Variants in SCN2A observed in about 807,000 individuals in gnomAD.
SCN2A encodes sodium voltage-gated channel alpha subunit 2.
SCN2A carries 20 observed loss-of-function variants against 188.7 expected under a neutral mutation model. That is an observed-to-expected ratio of 0.11 (90% CI 0.07 to 0.15). The LOEUF (loss-of-function observed/expected upper bound fraction) is 0.15, where lower values mean the gene tolerates loss of function less well. Ranked by LOEUF, SCN2A falls within the 10% of genes least tolerant of loss-of-function variation. The pLI, the probability that SCN2A is intolerant of heterozygous loss-of-function variation, is 1.00. For synonymous variants in SCN2A, 804 were observed against 833.1 expected, an observed-to-expected ratio of 0.97 and a Z score of 0.60; for missense variants, 1,278 against 2,445.0, an observed-to-expected ratio of 0.52 and a Z score of 10.07.
At position 165,386,887 on chromosome 2, in the gene SCN2A, T is replaced by A. The variant is rs1701902994; in HGVS notation, c.4693T>A (p.Trp1565Arg). 6.2e-7 allele frequency: 1 copy of A among 1,613,994 alleles called. No homozygotes were observed. The highest frequency in any genetic ancestry group is 8.5e-7 in the Non-Finnish European group (1 of 1,179,946). The change falls in exon 26 of 27, where the codon TGG becomes AGG. Residue 1565 changes from tryptophan (W) to arginine (R), a missense_variant. Trp to Arg is a moderately radical substitution (Grantham distance 101, BLOSUM62 -3). Around this residue, in one of 17 missense-constraint regions of SCN2A, gnomAD observed 97 missense variants for 266.1 expected, o/e 0.36. Transcript: ENST00000375437. ...TCAAGAAATGACAAACATTCTGTACTGGATTAATCTGGTGTTTATTGTTCT... is the reference window on the plus strand; with the variant it reads ...TCAAGAAATGACAAACATTCTGTACAGGATTAATCTGGTGTTTATTGTTCT... ...QSQEMTNILY[W>R]INLVFIVLFT...
chr2:165,340,289 A>G (rs1271984999), intron 14 of SCN2A, among the ~76,000 whole-genome samples: 3 of 149,914 alleles, frequency 2.0e-5, no homozygotes, highest in Non-Finnish European at 4.4e-5. Context: ...ATGAAATTTC[A>G]AACAATGGAG....
At chr2:165,245,749 G>T (rs1693816380) in intron 1 of SCN2A, among the ~76,000 whole-genome samples, 1 of 152,188 alleles carries the variant, frequency 6.6e-6, no homozygotes. Flanking sequence ...AATCAAGATG[G>T]TTCCAGGTAA....
At position 165,323,171 on chromosome 2, in the gene SCN2A, C is replaced by T. The variant is rs761161877; in HGVS notation, c.1687C>T (p.Arg563Cys). 3 of 1,614,098 alleles carry T rather than the reference C, an allele frequency of 1.9e-6. No homozygotes were observed. The highest frequency in any genetic ancestry group is 2.2e-5 in the South Asian group (2 of 91,056). ...SSPHQSLLSI[R>C]GSLFSPRRNS... is the part of the protein sequence containing the mutation. ...TTATTCATAGTCCTTACTGAGCATC[C>T]GTGGCTCCCTTTTCTCTCCAAGACG... Residue 563 changes from arginine (R) to cysteine (C), a missense_variant, in exon 12 of 27, where the codon CGT becomes TGT. This residue lies in a region of SCN2A where 315 missense variants were observed against 386.6 expected (regional missense o/e 0.81). Transcript: ENST00000375437.
chr2:165,325,757 G>GT (rs1401756028), intron 12 of SCN2A, among the ~76,000 whole-genome samples: 2 of 151,364 alleles, frequency 1.3e-5, no homozygotes, highest in African/African-American at 2.4e-5. Flanking sequence ...AATTTTACTT[G>GT]TTTTTTTACC....
intron 1 of SCN2A, among the ~76,000 whole-genome samples, chr2:165,246,205 T>C (rs1323467545): frequency 2.6e-5 from 4 of 152,222 alleles, no homozygotes; most frequent in Non-Finnish European, 4.4e-5. Context: ...CATGAATGTG[T>C]AATCCTTAGA....
intron 11 of SCN2A, among the ~76,000 whole-genome samples, chr2:165,322,601 A>C (rs1398068817): frequency 2.0e-5 from 3 of 152,208 alleles, no homozygotes; most frequent in African/African-American, 7.2e-5. Context: ...CCATCATAAA[A>C]TATGCAAAGG....
At chr2:165,255,316 C>T (rs1694266139) in intron 1 of SCN2A, among the ~76,000 whole-genome samples, 1 of 151,846 alleles carries the variant, frequency 6.6e-6, no homozygotes, top group Non-Finnish European at 1.5e-5. Flanking sequence ...AAGAAACCAT[C>T]AGCCTCATAA....
In SCN2A at chr2:165,291,128, G is replaced by A. The variant is rs186829279; in HGVS notation, c.-51-4645G>A. ...ATGATCTTGGCTTACTGCAAACTCC[G>A]TCTCCTGGGTTCAAGCGATTCTCCT... On this transcript the variant is annotated intron_variant, in intron 1 of 26. Transcript: ENST00000375437. Among the ~76,000 whole-genome samples the A allele has an allele frequency of 9.5e-3, 1,235 of 130,016 alleles. 18 individuals are homozygous for A. Among genetic ancestry groups the A allele is most frequent in the African/African-American group, 0.033 (1,162 of 34,802 alleles). The allele number at this position is 130,016 out of a possible 152,430, so 85.3% of individuals were successfully genotyped here.
At chr2:165,288,754 G>GTACA (rs1414340697) in intron 1 of SCN2A, among the ~76,000 whole-genome samples, 2 of 150,452 alleles carry the variant, frequency 1.3e-5, no homozygotes, top group African/African-American at 4.9e-5. Flanking sequence ...GTGTGTGTGT[G>GTACA]TACATATGTG....
intron 9 of SCN2A, 59 bp downstream of exon 9, chr2:165,313,820 G>A (rs2105255583): frequency 1.9e-6 from 3 of 1,611,846 alleles, no homozygotes; most frequent in African/African-American, 2.7e-5. Flanking sequence ...CAAGAGAATT[G>A]CTGTAGAATA....
intron 16 of SCN2A, among the ~76,000 whole-genome samples, chr2:165,350,464 C>CTTTTTTTTTTTTTTTTTT (rs71028479): frequency 2.8e-4 from 21 of 73,838 alleles, no homozygotes; most frequent in South Asian, 4.4e-4. Context: ...TGTTTTCTTT[C>CTTTTTTTTTTTTTTTTTT]TTTTTTTTTT....
intron 14 of SCN2A, among the ~76,000 whole-genome samples, chr2:165,334,595 C>G (rs969857760): frequency 3.3e-5 from 5 of 151,700 alleles, no homozygotes; most frequent in Non-Finnish European, 5.9e-5. Context: ...AAACACTCAG[C>G]AAACTTGAAA....
At chr2:165,347,378 T>G (rs1456975658) in intron 16 of SCN2A, among the ~76,000 whole-genome samples, 1 of 149,528 alleles carries the variant, frequency 6.7e-6, no homozygotes, top group African/African-American at 2.5e-5. Flanking sequence ...CACTCATAAG[T>G]GGGAGTTGAA....
intron 14 of SCN2A, among the ~76,000 whole-genome samples, 168 bp downstream of exon 14, chr2:165,331,736 A>G (rs1315828677): frequency 1.3e-5 from 2 of 152,190 alleles, no homozygotes; most frequent in African/African-American, 2.4e-5. Context: ...ACCATAGTGC[A>G]AAAGAGTCAA....
At chr2:165,260,344 C>T (rs1694529005) in intron 1 of SCN2A, among the ~76,000 whole-genome samples, 2 of 152,138 alleles carry the variant, frequency 1.3e-5, no homozygotes, top group South Asian at 4.1e-4. Flanking sequence ...CATCAGAGCT[C>T]TTGAGTGACT....
chr2:165,258,583 G>A (rs1379690553), intron 1 of SCN2A, among the ~76,000 whole-genome samples: 3 of 152,168 alleles, frequency 2.0e-5, no homozygotes, highest in Non-Finnish European at 4.4e-5. Flanking sequence ...CCATAATTGG[G>A]TATGTGCCCA....
chr2:165,314,027 C>T lies in SCN2A; in HGVS notation c.1302C>T (p.Ala434=), dbSNP rs1488671443. ...TGGCCTATGAGGAACAGAATCAGGC[C>T]ACATTGGAAGAGGCTGAACAGAAGG... The part of the protein sequence containing the change: ...VAMAYEEQNQ[A]TLEEAEQKEA... Residue 434 remains alanine (A), a synonymous_variant, in exon 10 of 27, where the codon GCC becomes GCT. Coordinates refer to ENST00000375437, the MANE Select transcript of SCN2A (RefSeq NM_001040142.2). The T allele has an allele frequency of 1.2e-6, 2 of 1,613,770 alleles. No homozygotes were observed. The highest frequency in any genetic ancestry group is 1.7e-6 in the Non-Finnish European group (2 of 1,179,810).
intron 14 of SCN2A, among the ~76,000 whole-genome samples, chr2:165,339,521 A>T (rs61299128): frequency 0.017 from 2,518 of 152,218 alleles, 67 homozygotes; most frequent in African/African-American, 0.053. Context: ...TTTAAAACTG[A>T]TTAGAAATAA....
intron 14 of SCN2A, among the ~76,000 whole-genome samples, chr2:165,333,462 A>T (rs906609277): frequency 6.6e-6 from 1 of 151,960 alleles, no homozygotes; most frequent in Admixed American, 6.6e-5. Flanking sequence ...TTTTTCTGAT[A>T]AAAAATAAAA....
Sources: allele counts gnomAD v4.1 joint callset (sites outside exome capture counted in the v4.1 genomes callset), GRCh38; gene constraint gnomAD v4.1.1; regional missense constraint gnomAD v4.1.1; transcripts MANE v1.5; gene names NCBI Gene and HGNC (gene_info 2026-07-23, HGNC 2026-07-21).